Variants in ANXA7 observed in about 807,000 individuals in gnomAD.
ANXA7 encodes annexin VII.
Under a neutral mutation model 64.9 loss-of-function variants are expected in ANXA7, and 55 were observed. The observed-to-expected ratio is 0.85, with a 90% CI of 0.68 to 1.06. The LOEUF (loss-of-function observed/expected upper bound fraction) is 1.06. Among genes scored for constraint, ANXA7 ranks in the 50% least tolerant of loss-of-function variants. The pLI is 0.00. For synonymous variants in ANXA7, 200 were observed against 192.4 expected, an observed-to-expected ratio of 1.04 and a Z score of -0.33; for missense variants, 548 against 582.1, an observed-to-expected ratio of 0.94 and a Z score of 0.60.
At chr10:73,405,752 G>A (rs2055746681) in intron 1 of ANXA7, among the ~76,000 whole-genome samples, 1 of 152,138 alleles carries the variant, frequency 6.6e-6, no homozygotes, top group African/African-American at 2.4e-5. Context: ...AAGGCAAAAG[G>A]TGAGACGTAA....
At chr10:73,390,567 T>C (rs1332376576) in intron 5 of ANXA7, among the ~76,000 whole-genome samples, 1 of 151,806 alleles carries the variant, frequency 6.6e-6, no homozygotes, top group Non-Finnish European at 1.5e-5. Context: ...TTTCCTTTGA[T>C]GTAACCGCTG....
intron 1 of ANXA7, among the ~76,000 whole-genome samples, chr10:73,405,764 T>G (rs2055747173): frequency 6.6e-6 from 1 of 152,140 alleles, no homozygotes; most frequent in African/African-American, 2.4e-5. Context: ...GAGACGTAAC[T>G]GTGAGACGGA....
chr10:73,395,917 G>A (rs2055563302), intron 5 of ANXA7: 1 of 736,808 alleles, frequency 1.4e-6, no homozygotes, highest in Non-Finnish European at 2.5e-6. Context: ...ATTATTACAG[G>A]AACACAAAGA....
chr10:73,402,901 T>G (rs540356524), intron 1 of ANXA7, among the ~76,000 whole-genome samples: 5 of 152,128 alleles, frequency 3.3e-5, no homozygotes, highest in Non-Finnish European at 7.3e-5. Context: ...CTCAACTCAT[T>G]GCAACCTCTG....
chr10:73,399,534 A>G (rs1012302908), intron 2 of ANXA7, among the ~76,000 whole-genome samples: 10 of 152,194 alleles, frequency 6.6e-5, no homozygotes, highest in Non-Finnish European at 1.5e-4. Flanking sequence ...TATAAAACCA[A>G]AATGTGGGCT....
rs745938968 is a variant in ANXA7, at chr10:73,383,678, C to A, written c.646G>T (p.Asp216Tyr). 4 of 1,606,906 alleles carry A rather than the reference C, an allele frequency of 2.5e-6. No individual in the cohort carries two copies. In the South Asian group the frequency reaches 3.3e-5, roughly 13 times the overall value. ...KTSYGKDLIK[D>Y]LKSELSGNME... Reference sequence around the variant, plus strand: ...TTTCCACTTAACTCTGATTTGAGATCTTTGATTAAATCCTATTTAATCACA... The same window carrying A: ...TTTCCACTTAACTCTGATTTGAGATATTTGATTAAATCCTATTTAATCACA... The change falls in exon 8 of 13, where the codon GAT (aspartate) becomes TAT (tyrosine). Residue 216 changes from aspartate to tyrosine, a missense_variant. Asp to Tyr is a radical substitution (Grantham distance 160). Coordinates refer to ENST00000372921, the MANE Select transcript of ANXA7 (RefSeq NM_001156.5).
chr10:73,396,617 A>T (rs919509860), intron 4 of ANXA7, 34 bp from the exon 5 acceptor site: 4 of 1,391,786 alleles, frequency 2.9e-6, no homozygotes, highest in Non-Finnish European at 4.0e-6. Context: ...ATAATACGGC[A>T]ACAGGTCTTA....
chr10:73,383,138 C>A, intron 9 of ANXA7, 37 bp downstream of exon 9: 1 of 1,540,078 alleles, frequency 6.5e-7, no homozygotes, highest in Non-Finnish European at 8.8e-7. Flanking sequence ...AAAGTATGTT[C>A]CCTCTATCAA....
At position 73,391,170 on chromosome 10, in the gene ANXA7, T is replaced by TAAA. The variant is rs547724690; in HGVS notation, c.436-2759_436-2757dup. Among the ~76,000 whole-genome samples the TAAA allele has an allele frequency of 2.6e-3, 339 of 132,936 alleles. 3 individuals are homozygous for TAAA. The highest frequency in any genetic ancestry group is 0.018 in the East Asian group (81 of 4,594). 87.2% of individuals were successfully genotyped at this position (132,936 alleles called of 152,430 possible). On this transcript the variant is annotated intron_variant, in intron 5 of 12. Transcript: ENST00000372921. The stretch of plus-strand genomic sequence containing the variant: ...GGCAACAGAGTGAGACTCTGTCTCT[T>TAAA]AAAAAAAAAAAAAAAAAGAGAGAAA...
intron 5 of ANXA7, chr10:73,396,029 GA>G (rs1407333337): frequency 6.5e-7 from 1 of 1,531,578 alleles, no homozygotes; most frequent in Non-Finnish European, 9.0e-7. Flanking sequence ...GTAAACATTA[GA>G]AAACCTTACT....
At position 73,400,496 on chromosome 10, in the gene ANXA7, G is replaced by T. The variant is rs530537879; in HGVS notation, c.54+307C>A. ...TTTTTAAAACTAACTCCTAAATTTT[G>T]AACCTTTGGGCAATTTCACATAGAA... On this transcript the variant is annotated intron_variant, in intron 2 of 12. Transcript: ENST00000372921. Among the ~76,000 whole-genome samples, 238 of 152,086 alleles carry T rather than the reference G, an allele frequency of 1.6e-3. 1 individual carries two copies. The highest frequency in any genetic ancestry group is 5.5e-3 in the African/African-American group (230 of 41,500).
In ANXA7 at chr10:73,383,643, T is replaced by A; in HGVS notation, c.681A>T (p.Glu227Asp). 2 of 1,613,956 alleles carry A rather than the reference T, an allele frequency of 1.2e-6. No homozygotes were observed. The highest frequency in any genetic ancestry group is 1.7e-6 in the Non-Finnish European group (2 of 1,179,854). Residue 227 changes from glutamate (E) to aspartate (D), a missense_variant, in exon 8 of 13, where the codon GAA (glutamate) becomes GAT (aspartate). Coordinates refer to ENST00000372921, the MANE Select transcript of ANXA7 (RefSeq NM_001156.5). ...LKSELSGNMEELILALFMPPT... is the reference protein window; with the variant it reads ...LKSELSGNMEDLILALFMPPT... ...GAGGCATGAAGAGGGCCAGGATCAG[T>A]TCTTCCATATTTCCACTTAACTCTG...
chr10:73,405,339 C>A (rs1322494089), intron 1 of ANXA7, among the ~76,000 whole-genome samples: 1 of 146,780 alleles, frequency 6.8e-6, no homozygotes, highest in Non-Finnish European at 1.5e-5. Flanking sequence ...GTCAGGAGTT[C>A]GAGACCAGCC....
At chr10:73,399,660 A>C (rs1481680005) in intron 2 of ANXA7, among the ~76,000 whole-genome samples, 1 of 151,696 alleles carries the variant, frequency 6.6e-6, no homozygotes, top group Non-Finnish European at 1.5e-5. Context: ...ATCTCTACTA[A>C]AAATACAAAA....
chr10:73,410,315 A>C (rs913868785), intron 1 of ANXA7, among the ~76,000 whole-genome samples: 1 of 152,200 alleles, frequency 6.6e-6, no homozygotes, highest in Non-Finnish European at 1.5e-5. Flanking sequence ...AGAAAAAAAA[A>C]CAATTGCATT....
intron 2 of ANXA7, 53 bp from the exon 3 acceptor site, chr10:73,398,438 C>G: frequency 1.3e-6 from 2 of 1,485,774 alleles, no homozygotes; most frequent in African/African-American, 2.8e-5. Context: ...AAATATGACC[C>G]ATCTAAAAAT....
intron 5 of ANXA7, among the ~76,000 whole-genome samples, chr10:73,389,980 T>C (rs989221456): frequency 1.3e-5 from 2 of 152,220 alleles, no homozygotes; most frequent in Non-Finnish European, 2.9e-5. Context: ...GGGATGAAGA[T>C]GATGCTCCAC....
Position 73,392,693 on chromosome 10 carries a change from G to A in ANXA7, c.435+3826C>T, listed in dbSNP as rs1416881744. On this transcript the variant is annotated intron_variant, in intron 5 of 12. Coordinates refer to ENST00000372921, the MANE Select transcript of ANXA7 (RefSeq NM_001156.5). ...CCCTCAATAAATTAGGTATTGATGGGACGTATCTCAAAATAATAAGAGCTA... is the reference window on the plus strand; with the variant it reads ...CCCTCAATAAATTAGGTATTGATGGAACGTATCTCAAAATAATAAGAGCTA... 3.3e-5 allele frequency among the ~76,000 whole-genome samples: 5 copies of A among 152,222 alleles called. No homozygotes were observed. In the East Asian group the frequency reaches 9.6e-4, roughly 29 times the overall value.
chr10:73,388,332 C>A lies in ANXA7; in HGVS notation c.518G>T (p.Arg173Leu), dbSNP rs139809461. Reference protein sequence around the residue: ...FDAIRDAEILRKAMKGFGTDE... With the variant: ...FDAIRDAEILLKAMKGFGTDE... Reference sequence around the variant, plus strand: ...CTTACCAAAACCCTTCATTGCCTTACGAAGAATTTCTGCATCTCTTATAGC... The same window carrying A: ...CTTACCAAAACCCTTCATTGCCTTAAGAAGAATTTCTGCATCTCTTATAGC... The change falls in exon 6 of 13, where the codon CGT becomes CTT. Residue 173 changes from arginine (R) to leucine (L), a missense_variant. Coordinates refer to ENST00000372921, the MANE Select transcript of ANXA7 (RefSeq NM_001156.5). 1.2e-5 allele frequency: 20 copies of A among 1,613,646 alleles called. No individual in the cohort carries two copies. The African/African-American group carries it at 1.6e-4, about 13-fold the overall frequency.
Sources: gnomAD v4.1 joint callset for allele counts (sites outside exome capture counted in the v4.1 genomes callset) on GRCh38, gnomAD v4.1.1 for gene constraint, MANE v1.5 for transcripts, NCBI Gene and HGNC (gene_info 2026-07-23, HGNC 2026-07-21) for gene names.